NDC80: variants seen among roughly 807,000 people sequenced by gnomAD.
NDC80 encodes NDC80 kinetochore complex component.
A neutral mutation model predicts 89.3 loss-of-function variants in NDC80; 69 were observed. The observed-to-expected ratio is 0.77, with a 90% CI of 0.64 to 0.94. The LOEUF is 0.94. Ranked by LOEUF, NDC80 falls within the 40% of genes least tolerant of loss-of-function variation. The probability of loss-of-function intolerance (pLI) is 0.00; values close to 1 mark genes in which losing one functional copy is unlikely to be tolerated. For synonymous variants in NDC80, 243 were observed against 255.6 expected (o/e 0.95, Z 0.47); for missense variants, 593 against 739.6 (o/e 0.80, Z 2.30).
intron 13 of NDC80, among the ~76,000 whole-genome samples, chr18:2,603,351 TTATACATATATATATATA>T (rs2072693786): frequency 3.7e-5 from 3 of 80,916 alleles, no homozygotes; most frequent in African/African-American, 1.5e-4. Context: ...GAGAATATGT[TTATACATATATATATATA>T]TATATATATA....
intron 16 of NDC80, among the ~76,000 whole-genome samples, chr18:2,612,428 AC>A (rs1334110471): frequency 2.0e-5 from 3 of 151,522 alleles, no homozygotes; most frequent in Non-Finnish European, 4.4e-5. Flanking sequence ...AGCTGGGATT[AC>A]AGGCATGTGC....
In NDC80 at chr18:2,610,686, G is replaced by A. The variant is rs1598246991; in HGVS notation, c.1689-73G>A. 1.5e-5 allele frequency: 13 copies of A among 893,102 alleles called. No individual in the cohort carries two copies. In the East Asian group the frequency reaches 3.6e-4, roughly 24 times the overall value. The allele number at this position is 893,102 out of a possible 1,614,324, so 55.3% of individuals were successfully genotyped here. A position where few individuals can be genotyped will look rare whatever the true frequency, so the allele number is the denominator to read the frequency against. On this transcript the variant is annotated intron_variant, in intron 15 of 16. Transcript: ENST00000261597. ...TTTGGTTTTTTTGAATGTGGAAATGGGAAGTGAGCTAACTAGAACGGATGT... is the reference window on the plus strand; with the variant it reads ...TTTGGTTTTTTTGAATGTGGAAATGAGAAGTGAGCTAACTAGAACGGATGT...
At chr18:2,602,304 TA>T (rs2072687833) in intron 13 of NDC80, among the ~76,000 whole-genome samples, 1 of 152,180 alleles carries the variant, frequency 6.6e-6, no homozygotes, top group African/African-American at 2.4e-5. Context: ...ATTTTTCCAA[TA>T]TTAATAAATT....
chr18:2,608,240 C>T (rs941785342), intron 14 of NDC80, among the ~76,000 whole-genome samples: 6 of 151,348 alleles, frequency 4.0e-5, no homozygotes, highest in Admixed American at 3.9e-4. Context: ...GTGTCTCGCT[C>T]TGTCGCTCAG....
intron 16 of NDC80, chr18:2,614,375 T>C (rs955558045): frequency 1.2e-5 from 2 of 169,594 alleles, no homozygotes; most frequent in African/African-American, 4.9e-5. Context: ...AGGCAGAGGT[T>C]GCAGTGAGCC....
chr18:2,614,235 G>A (rs969760018), intron 16 of NDC80, among the ~76,000 whole-genome samples: 7 of 152,034 alleles, frequency 4.6e-5, no homozygotes, highest in African/African-American at 1.2e-4. Context: ...TCAGGAGATC[G>A]AGACCATCCT....
chr18:2,603,378 T>TATATATATATATATATATATAA (rs1491296244), intron 13 of NDC80, among the ~76,000 whole-genome samples: 1 of 143,494 alleles, frequency 7.0e-6, no homozygotes, highest in African/African-American at 2.6e-5. Context: ...TATATATATA[T>TATATATATATATATATATATAA]ACACCTATGT....
At chr18:2,576,580 A>G (rs1284152483) in intron 3 of NDC80, among the ~76,000 whole-genome samples, 2 of 152,218 alleles carry the variant, frequency 1.3e-5, no homozygotes, top group Admixed American at 6.5e-5. Flanking sequence ...TGATCCTTAG[A>G]CAACACTTTG....
chr18:2,612,356 C>T (rs1185557761), intron 16 of NDC80, among the ~76,000 whole-genome samples: 1 of 131,334 alleles, frequency 7.6e-6, no homozygotes, highest in African/African-American at 2.8e-5. Context: ...ATGGCGCGAT[C>T]TCGGCTCACT....
chr18:2,608,789 G>A lies in NDC80; in HGVS notation c.1647G>A (p.Gly549=). Residue 549 remains glycine, a synonymous_variant, in exon 15 of 17, where the codon GGG becomes GGA. Transcript: ENST00000261597. Reference sequence around the variant, plus strand: ...TGCTAGAAAGTACTGTTAACCAGGGGCTCAGTGAAGCTATGAATGAATTAG... The same window carrying A: ...TGCTAGAAAGTACTGTTAACCAGGGACTCAGTGAAGCTATGAATGAATTAG... The part of the protein sequence containing the change: ...KHLLESTVNQ[G]LSEAMNELDA... 1 of 1,612,664 alleles carries A rather than the reference G, an allele frequency of 6.2e-7. No individual in the cohort carries two copies. The highest frequency in any genetic ancestry group is 8.5e-7 in the Non-Finnish European group (1 of 1,178,948).
chr18:2,577,684 T>A, intron 3 of NDC80, 62 bp from the exon 4 acceptor site: 1 of 1,576,050 alleles, frequency 6.3e-7, no homozygotes, highest in African/African-American at 1.4e-5. Context: ...TGCCTTGAAA[T>A]AATTTAGACT....
intron 2 of NDC80, among the ~76,000 whole-genome samples, chr18:2,574,379 C>A (rs982102892): frequency 1.3e-5 from 2 of 151,992 alleles, no homozygotes; most frequent in African/African-American, 2.4e-5. Context: ...CTGTTCCCAA[C>A]AAAGAAATGA....
At chr18:2,603,352 TATAC>T (rs2072693827) in intron 13 of NDC80, among the ~76,000 whole-genome samples, 2 of 103,410 alleles carry the variant, frequency 1.9e-5, no homozygotes, top group African/African-American at 9.3e-5. Context: ...AGAATATGTT[TATAC>T]ATATATATAT....
intron 2 of NDC80, among the ~76,000 whole-genome samples, chr18:2,574,332 T>C (rs538936008): frequency 6.6e-5 from 10 of 152,260 alleles, no homozygotes; most frequent in Admixed American, 5.9e-4. Flanking sequence ...TTAACAATAA[T>C]ATATTGTATA....
intron 3 of NDC80, 50 bp downstream of exon 3, chr18:2,575,116 GT>G: frequency 7.7e-7 from 1 of 1,304,686 alleles, no homozygotes; most frequent in Non-Finnish European, 1.1e-6. Context: ...ATAGCCATAC[GT>G]TGTTGCCCTC....
At chr18:2,591,221 G>A (rs916525904) in intron 10 of NDC80, among the ~76,000 whole-genome samples, 1 of 152,154 alleles carries the variant, frequency 6.6e-6, no homozygotes, top group Non-Finnish European at 1.5e-5. Context: ...CTTATGTCTT[G>A]TAAGCTTACT....
At chr18:2,573,716 A>C (rs927632088) in intron 2 of NDC80, among the ~76,000 whole-genome samples, 1 of 152,332 alleles carries the variant, frequency 6.6e-6, no homozygotes, top group East Asian at 1.9e-4. Context: ...TTGGATTTAC[A>C]TAGTATGAGC....
At chr18:2,599,908 G>C (rs2072675943) in intron 12 of NDC80, among the ~76,000 whole-genome samples, 1 of 152,116 alleles carries the variant, frequency 6.6e-6, no homozygotes, top group Non-Finnish European at 1.5e-5. Context: ...GTGTGTTCCA[G>C]ACCAGCTACA....
intron 13 of NDC80, among the ~76,000 whole-genome samples, chr18:2,602,383 A>G (rs1482659796): frequency 6.6e-6 from 1 of 152,158 alleles, no homozygotes; most frequent in African/African-American, 2.4e-5. Context: ...GTAACATTAG[A>G]TAAGTGAAGA....
Sources: allele counts gnomAD v4.1 joint callset (sites outside exome capture counted in the v4.1 genomes callset), GRCh38; gene constraint gnomAD v4.1.1; transcripts MANE v1.5; gene names NCBI Gene and HGNC (gene_info 2026-07-23, HGNC 2026-07-21).